Variants in LETM2 observed in about 807,000 individuals in gnomAD.
LETM2 encodes LETM1 domain-containing protein LETM2, mitochondrial.
A neutral mutation model predicts 59.6 loss-of-function variants in LETM2; 58 were observed. The observed-to-expected ratio is 0.97, with a 90% CI of 0.79 to 1.21. The LOEUF is 1.21. LETM2 is among the 50% of genes most tolerant of loss of function. The pLI, the probability that LETM2 is intolerant of heterozygous loss-of-function variation, is 0.00. For synonymous variants in LETM2, 199 were observed against 214.1 expected (o/e 0.93, Z 0.62); for missense variants, 572 against 575.7 (o/e 0.99, Z 0.07).
At chr8:38,396,433 G>T (rs1339489433) in intron 4 of LETM2, among the ~76,000 whole-genome samples, 1 of 152,020 alleles carries the variant, frequency 6.6e-6, no homozygotes, top group Non-Finnish European at 1.5e-5. Flanking sequence ...CAAAGTGCTG[G>T]GATAACAGAC....
chr8:38,400,698 T>C (rs1813128263), intron 5 of LETM2, 155 bp from the exon 6 acceptor site: 2 of 735,988 alleles, frequency 2.7e-6, no homozygotes, highest in East Asian at 2.6e-5. Context: ...GTAGTTTGAC[T>C]TCAGATGGAT....
At chr8:38,408,021 A>G in intron 10 of LETM2, 191 bp from the exon 11 acceptor site, 1 of 539,310 alleles carries the variant, frequency 1.9e-6, no homozygotes, top group Non-Finnish European at 3.3e-6. Context: ...GTAAGCCCAG[A>G]AAAGCATCCC....
intron 5 of LETM2, 86 bp from the exon 6 acceptor site, chr8:38,400,767 T>A: frequency 8.3e-7 from 1 of 1,200,504 alleles, no homozygotes; most frequent in Non-Finnish European, 1.2e-6. Flanking sequence ...CCATAAATGC[T>A]TTGATGTCTC....
In LETM2 at chr8:38,406,932, G is replaced by C; in HGVS notation, c.1219-14G>C. The C allele has an allele frequency of 6.4e-7, 1 of 1,559,228 alleles. No homozygotes were observed. The highest frequency in any genetic ancestry group is 8.8e-7 in the Non-Finnish European group (1 of 1,131,808). ...GCAGAAAGCTTATGATACATAAAAT[G>C]TTTATCTCCCCAGGCTCCAAAGACT... On this transcript the variant is annotated splice_polypyrimidine_tract_variant and intron_variant, in intron 8 of 10. Transcript: ENST00000379957.
At chr8:38,389,333 CAGCCTCCCGAGT>C (rs943106940) in intron 2 of LETM2, among the ~76,000 whole-genome samples, 2 of 152,106 alleles carry the variant, frequency 1.3e-5, no homozygotes, top group African/African-American at 4.8e-5. Context: ...TCTCCTGTCT[CAGCCTCCCGAGT>C]AGCTGGGATT....
chr8:38,383,783 AGCCG>A (rs1811667880), upstream of LETM2, among the ~76,000 whole-genome samples: 1 of 152,012 alleles, frequency 6.6e-6, no homozygotes, highest in African/African-American at 2.4e-5. Flanking sequence ...ACAAAAAATT[AGCCG>A]GGCGTGGTGG....
At chr8:38,403,827 TA>T (rs1355006251) in intron 7 of LETM2, among the ~76,000 whole-genome samples, 1 of 152,194 alleles carries the variant, frequency 6.6e-6, no homozygotes, top group African/African-American at 2.4e-5. Flanking sequence ...GAATACTTTT[TA>T]TGGTACCTTT....
chr8:38,407,813 C>T (rs774318891), intron 10 of LETM2, among the ~76,000 whole-genome samples: 1 of 152,172 alleles, frequency 6.6e-6, no homozygotes, highest in Non-Finnish European at 1.5e-5. Context: ...ACTTTAATTT[C>T]CAGAGAAATG....
intron 4 of LETM2, chr8:38,396,915 A>G (rs914079590): frequency 1.5e-5 from 3 of 197,768 alleles, no homozygotes; most frequent in South Asian, 6.5e-5. Context: ...GATCCTGTTT[A>G]AAAAAAAAAA....
rs1055824678 is a variant in LETM2 at position 38,392,648 on chromosome 8, G to T, written c.154G>T (p.Glu52Ter). 6.2e-7 allele frequency: 1 copy of T among 1,613,860 alleles called. No homozygotes were observed. Among genetic ancestry groups the T allele is most frequent in the African/African-American group, 1.3e-5 (1 of 74,896 alleles). The change falls in exon 3 of 11, where the codon GAG (glutamate) becomes TAG (stop). Residue 52 changes from glutamate (E) to a stop codon, truncating the protein, a stop_gained. Coordinates refer to ENST00000379957, the MANE Select transcript of LETM2 (RefSeq NM_001286819.2). LOFTEE classifies it high-confidence loss of function. ...HLNKTCMKNY[E>*]SKKYSDPSQP... ...AAATAAGACATGTATGAAGAACTAT[G>T]AGAGCAAGAAGTACTCGGATCCTAG... is the stretch of plus-strand genomic sequence containing the variant.
At chr8:38,391,742 A>G (rs1563384272) in intron 2 of LETM2, among the ~76,000 whole-genome samples, 2 of 150,588 alleles carry the variant, frequency 1.3e-5, no homozygotes, top group Non-Finnish European at 3.0e-5. Flanking sequence ...CCCAGGCTGG[A>G]GTGCAGTGGC....
In LETM2 at chr8:38,394,075, T is replaced by C. The variant is rs1170848986; in HGVS notation, c.502-23T>C. Reference sequence around the variant, plus strand: ...TGGCATGCCCTAAAATAATGAATATTGCATATGCATTTAATTCTATAGCTG... The same window carrying C: ...TGGCATGCCCTAAAATAATGAATATCGCATATGCATTTAATTCTATAGCTG... On this transcript the variant is annotated intron_variant, in intron 3 of 10. Transcript: ENST00000379957. 6.4e-6 allele frequency: 9 copies of C among 1,415,278 alleles called. No homozygotes were observed. The East Asian group carries it at 2.1e-4, about 33-fold the overall frequency. The allele number at this position is 1,415,278 out of a possible 1,614,324, so 87.7% of individuals were successfully genotyped here. A position where few individuals can be genotyped will look rare whatever the true frequency, so the allele number is the denominator to read the frequency against.
Position 38,404,484 on chromosome 8 carries a change from T to A in LETM2, c.1196T>A (p.Ile399Asn). 6 of 1,613,620 alleles carry A rather than the reference T, an allele frequency of 3.7e-6. No homozygotes were observed. The highest frequency in any genetic ancestry group is 5.1e-6 in the Non-Finnish European group (6 of 1,179,552). ...CTGATAGATGTGAAGCCCAAGCCGA[T>A]TGAGATACCACTCAGTGGGGAGGTG... ...FYLIDVKPKP[I>N]EIPLSGEAPK... Residue 399 changes from isoleucine to asparagine, a missense_variant, in exon 8 of 11, where the codon ATT (isoleucine) becomes AAT (asparagine). Transcript: ENST00000379957.
intron 3 of LETM2, 189 bp downstream of exon 3, chr8:38,393,184 TTATA>T: frequency 3.5e-6 from 2 of 571,676 alleles, no homozygotes; most frequent in Non-Finnish European, 6.1e-6. Flanking sequence ...CTGAAATTTG[TTATA>T]TATTTTCCTG....
chr8:38,398,117 G>A (rs1563390855), intron 4 of LETM2, among the ~76,000 whole-genome samples: 1 of 150,842 alleles, frequency 6.6e-6, no homozygotes, highest in African/African-American at 2.4e-5. Flanking sequence ...TCCAGCCTGG[G>A]CGACAGAGTG....
intron 8 of LETM2, 153 bp downstream of exon 8, chr8:38,404,659 AAACC>A (rs1008559226): frequency 4.0e-5 from 24 of 597,640 alleles, no homozygotes; most frequent in Admixed American, 1.2e-4. Flanking sequence ...ATTTCTAAAA[AAACC>A]AACCAACCAA....
At chr8:38,406,274 T>G (rs1813709227) in intron 8 of LETM2, among the ~76,000 whole-genome samples, 2 of 152,320 alleles carry the variant, frequency 1.3e-5, no homozygotes, top group African/African-American at 4.8e-5. Context: ...ATGAAAAAGA[T>G]GCAACATAGA....
At chr8:38,383,133 G>A (rs1811647320), upstream of LETM2, 2 of 152,250 alleles carry the variant, frequency 1.3e-5, no homozygotes, top group African/African-American at 4.8e-5. Flanking sequence ...CTCGCGGCCA[G>A]ACCTTCGCAT....
chr8:38,406,793 T>G, intron 8 of LETM2, 153 bp from the exon 9 acceptor site: 1 of 549,412 alleles, frequency 1.8e-6, no homozygotes, highest in Non-Finnish European at 3.3e-6. Context: ...GGGGCATATT[T>G]CATAGGTTAC....
Sources: allele counts gnomAD v4.1 joint callset (sites outside exome capture counted in the v4.1 genomes callset), GRCh38; gene constraint gnomAD v4.1.1; transcripts MANE v1.5; gene names NCBI Gene and HGNC (gene_info 2026-07-23, HGNC 2026-07-21).